AP5Z1: variants seen among roughly 807,000 people sequenced by gnomAD.
AP5Z1 encodes the protein adaptor related protein complex 5 subunit zeta 1, also known as AP-5 complex subunit zeta-1.
In AP5Z1, 106 loss-of-function variants were observed where a neutral mutation model predicts 83.0. The ratio of observed to expected loss-of-function variants is 1.28; its 90% confidence interval spans 1.09 to 1.50. AP5Z1 has a LOEUF of 1.50. Ranked by LOEUF, AP5Z1 falls within the 40% of genes most tolerant of loss-of-function variation. The probability of loss-of-function intolerance (pLI) is 0.00; values close to 1 mark genes in which losing one functional copy is unlikely to be tolerated. For missense variants in AP5Z1, 1,565 were observed against 1,094.2 expected (o/e 1.43, Z -6.07); for synonymous variants, 751 against 514.1 (o/e 1.46, Z -6.23).
Position 4,793,635 on chromosome 7 carries a change from C to A in AP5Z1, c.*2250C>A, listed in dbSNP as rs1049670692. The stretch of plus-strand genomic sequence containing the variant: ...CCCCGCACTCGGAGCCGCCGGCTAG[C>A]CCCGCCAGCCTGGGCAGTGAGGGGC... On this transcript the variant is annotated 3_prime_UTR_variant, in exon 17 of 17. Coordinates refer to ENST00000649063, the MANE Select transcript of AP5Z1 (RefSeq NM_014855.3). The A allele has an allele frequency of 6.6e-6, 1 of 152,504 alleles. No homozygotes were observed. Among genetic ancestry groups the A allele is most frequent in the Non-Finnish European group, 1.5e-5 (1 of 68,234 alleles). 9.4% of individuals were successfully genotyped at this position (152,504 alleles called of 1,614,324 possible).
At chr7:4,785,840 C>T (rs1228530213) in intron 9 of AP5Z1, among the ~76,000 whole-genome samples, 156 bp downstream of exon 9, 1 of 150,630 alleles carries the variant, frequency 6.6e-6, no homozygotes, top group African/African-American at 2.5e-5. Flanking sequence ...CTCGTGGCCT[C>T]AAGCGATCCT....
intron 6 of AP5Z1, 130 bp downstream of exon 6, chr7:4,784,501 G>GC (rs902840639): frequency 9.8e-5 from 112 of 1,147,086 alleles, no homozygotes; most frequent in Non-Finnish European, 1.2e-4. Flanking sequence ...TCAGGACTGA[G>GC]CAACGCAGCC....
intron 1 of AP5Z1, among the ~76,000 whole-genome samples, chr7:4,779,339 T>C (rs2115099206): frequency 6.8e-6 from 1 of 146,886 alleles, no homozygotes; most frequent in Non-Finnish European, 1.5e-5. Context: ...ATATGATATA[T>C]AACATATAAC....
At chr7:4,787,960 T>TG (rs1432349832) in intron 11 of AP5Z1, among the ~76,000 whole-genome samples, 184 bp downstream of exon 11, 1 of 152,054 alleles carries the variant, frequency 6.6e-6, no homozygotes, top group Non-Finnish European at 1.5e-5. Context: ...CTTGGCCACT[T>TG]GCCAAGGGCA....
intron 1 of AP5Z1, among the ~76,000 whole-genome samples, chr7:4,777,839 A>T (rs972642844): frequency 1.3e-5 from 2 of 152,220 alleles, no homozygotes; most frequent in African/African-American, 4.8e-5. Flanking sequence ...TTAATCTATT[A>T]GGGCTTACCA....
chr7:4,779,307 CGT>C (rs1373964904), intron 1 of AP5Z1, among the ~76,000 whole-genome samples: 1 of 140,630 alleles, frequency 7.1e-6, no homozygotes, highest in African/African-American at 2.8e-5. Flanking sequence ...ACATATATAA[CGT>C]ATATAACATA....
At chr7:4,783,030 G>T (rs1013153233) in intron 3 of AP5Z1, among the ~76,000 whole-genome samples, 3 of 152,228 alleles carry the variant, frequency 2.0e-5, no homozygotes, top group African/African-American at 4.8e-5. Flanking sequence ...CTGTGTCTGC[G>T]GCCAGGGCCA....
Position 4,791,602 on chromosome 7 carries a change from C to T in AP5Z1, c.*217C>T. ...CCTTTTGCTCCCAGGCAACACTGAG[C>T]TGAGCTGAGGGGTGCCATGGAGCGG... On this transcript the variant is annotated 3_prime_UTR_variant, in exon 17 of 17. Transcript: ENST00000649063. 1.4e-6 allele frequency: 1 copy of T among 690,478 alleles called. No individual in the cohort carries two copies. Among genetic ancestry groups the T allele is most frequent in the South Asian group, 2.1e-5 (1 of 47,792 alleles). 42.8% of individuals were successfully genotyped at this position (690,478 alleles called of 1,614,324 possible). A position where few individuals can be genotyped will look rare whatever the true frequency, so the allele number is the denominator to read the frequency against.
At chr7:4,787,455 C>T (rs906373763) in intron 10 of AP5Z1, 179 bp from the exon 11 acceptor site, 12 of 927,864 alleles carry the variant, frequency 1.3e-5, no homozygotes, top group Non-Finnish European at 1.9e-5. Context: ...CACTGCACTC[C>T]AGCCTGGGCG....
At chr7:4,786,874 G>A (rs542312207) in intron 10 of AP5Z1, among the ~76,000 whole-genome samples, 1 of 152,186 alleles carries the variant, frequency 6.6e-6, no homozygotes, top group South Asian at 2.1e-4. Context: ...GGGTTCAAGC[G>A]ATTCTCCTGC....
Position 4,787,687 on chromosome 7 carries a change from G to A in AP5Z1, c.1365G>A (p.Pro455=), listed in dbSNP as rs1274908825. 37 of 1,552,502 alleles carry A rather than the reference G, an allele frequency of 2.4e-5. No individual in the cohort carries two copies. Among genetic ancestry groups the A allele is most frequent in the African/African-American group, 1.1e-4 (8 of 73,290 alleles). ...PLTSEFVALL[P]ALVDAGTALE... is the part of the protein sequence containing the mutation. ...CCTCCGAGTTTGTGGCGCTCCTCCC[G>A]GCCCTGGTGGACGCTGGCACAGCCC... The change falls in exon 11 of 17, where the codon CCG becomes CCA. Residue 455 remains proline (P), a synonymous_variant. Coordinates refer to ENST00000649063, the MANE Select transcript of AP5Z1 (RefSeq NM_014855.3).
Position 4,794,109 on chromosome 7 carries a change from T to G in AP5Z1, c.*2724T>G, listed in dbSNP as rs1781876992. On this transcript the variant is annotated 3_prime_UTR_variant, in exon 17 of 17. Transcript: ENST00000649063. ...TGAATGCACCAATAGACACTCTGTA[T>G]CTAGCTACTCTGGTGGGGACTTGGA... is the stretch of plus-strand genomic sequence containing the variant. 1 of 152,364 alleles carries G rather than the reference T, an allele frequency of 6.6e-6. No homozygotes were observed. The highest frequency in any genetic ancestry group is 2.4e-5 in the African/African-American group (1 of 41,458). The allele number at this position is 152,364 out of a possible 1,614,324, so 9.4% of individuals were successfully genotyped here. A position where few individuals can be genotyped will look rare whatever the true frequency, so the allele number is the denominator to read the frequency against.
intron 3 of AP5Z1, among the ~76,000 whole-genome samples, chr7:4,782,803 T>C (rs1781416415): frequency 6.6e-6 from 1 of 152,164 alleles, no homozygotes; most frequent in East Asian, 1.9e-4. Flanking sequence ...CAGTGGAAGA[T>C]GATCTTGCAG....
intron 1 of AP5Z1, 63 bp downstream of exon 1, chr7:4,775,819 G>A: frequency 6.3e-7 from 1 of 1,575,460 alleles, no homozygotes; most frequent in East Asian, 2.3e-5. Flanking sequence ...ACACGGGGGT[G>A]GGTCTCACAG....
chr7:4,779,070 A>G (rs1477676043), intron 1 of AP5Z1, among the ~76,000 whole-genome samples: 2 of 146,174 alleles, frequency 1.4e-5, no homozygotes, highest in Non-Finnish European at 3.0e-5. Flanking sequence ...ATATAAAAAT[A>G]TATTTTTATA....
chr7:4,783,109 C>T (rs950590019), intron 3 of AP5Z1, among the ~76,000 whole-genome samples: 3 of 152,204 alleles, frequency 2.0e-5, no homozygotes, highest in African/African-American at 7.2e-5. Context: ...CCAGCCTCAG[C>T]GATGCAGCTC....
At position 4,791,887 on chromosome 7, in the gene AP5Z1, A is replaced by C. The variant is rs1781788309; in HGVS notation, c.*502A>C. On this transcript the variant is annotated 3_prime_UTR_variant, in exon 17 of 17. Coordinates refer to ENST00000649063, the MANE Select transcript of AP5Z1 (RefSeq NM_014855.3). ...GCCCGGCGTGCCACTGCTGCTACAG[A>C]AACCAGGTCATTTGTGCACAGCCCG... The C allele has an allele frequency of 6.3e-6, 1 of 157,552 alleles. No individual in the cohort carries two copies. The highest frequency in any genetic ancestry group is 1.4e-5 in the Non-Finnish European group (1 of 71,672). 9.8% of individuals were successfully genotyped at this position (157,552 alleles called of 1,614,324 possible).
rs1163722828 is a variant in AP5Z1, at chr7:4,788,225, T to C, written c.1526T>C (p.Phe509Ser). ...AGGGCCCCCAGCTGCCTGGAGGCCT[T>C]CCGGGACCCGCAGTTCCAGGGTCTT... ...SLRAPSCLEA[F>S]RDPQFQGLFQ... The change falls in exon 12 of 17, where the codon TTC (phenylalanine) becomes TCC (serine). Residue 509 changes from phenylalanine to serine, a missense_variant. Coordinates refer to ENST00000649063, the MANE Select transcript of AP5Z1 (RefSeq NM_014855.3). The C allele has an allele frequency of 2.5e-6, 4 of 1,572,774 alleles. No individual in the cohort carries two copies. The highest frequency in any genetic ancestry group is 1.4e-5 in the African/African-American group (1 of 73,932).
intron 3 of AP5Z1, among the ~76,000 whole-genome samples, chr7:4,782,858 G>A (rs545982310): frequency 1.1e-4 from 16 of 152,206 alleles, no homozygotes; most frequent in Non-Finnish European, 2.2e-4. Context: ...CCGGCACGTG[G>A]CCTCCCAGCC....
Sources: gnomAD v4.1 joint callset for allele counts (sites outside exome capture counted in the v4.1 genomes callset) on GRCh38, gnomAD v4.1.1 for gene constraint, MANE v1.5 for transcripts, NCBI Gene and HGNC (gene_info 2026-07-23, HGNC 2026-07-21) for gene names.